INTS6: variants seen among roughly 807,000 people sequenced by gnomAD.
INTS6 encodes the protein DEAD box protein.
In INTS6, 16 loss-of-function variants were observed where a neutral mutation model predicts 104.9. That is an observed-to-expected ratio of 0.15 (90% CI 0.10 to 0.23). INTS6 has a LOEUF of 0.23. Among genes scored for constraint, INTS6 ranks in the 10% least tolerant of loss-of-function variants. INTS6 has a pLI of 1.00. For synonymous variants in INTS6, 324 were observed against 358.7 expected (o/e 0.90, Z 1.09); for missense variants, 584 against 1,062.8 (o/e 0.55, Z 6.26).
intron 7 of INTS6, chr13:51,384,669 TC>T (rs768981597): frequency 6.6e-6 from 3 of 456,610 alleles, no homozygotes; most frequent in African/African-American, 6.0e-5. Flanking sequence ...ATTCTTGATA[TC>T]TTCCCCTCAT....
chr13:51,426,531 T>A (rs1956988202), intron 4 of INTS6, among the ~76,000 whole-genome samples: 1 of 151,986 alleles, frequency 6.6e-6, no homozygotes, highest in Admixed American at 6.6e-5. Context: ...ACACGAAAGG[T>A]AATATTAACC....
Position 51,368,966 on chromosome 13 carries a change from T to C in INTS6, c.2449A>G (p.Met817Val). The C allele has an allele frequency of 6.3e-7, 1 of 1,598,070 alleles. No homozygotes were observed. The highest frequency in any genetic ancestry group is 1.1e-5 in the South Asian group (1 of 87,758). Residue 817 changes from methionine to valine, a missense_variant, in exon 16 of 18, where the codon ATG becomes GTG. This residue lies in a region of INTS6 where 296 missense variants were observed against 437.0 expected (regional missense o/e 0.68). Transcript: ENST00000311234. ...EVNTELKAQI[M>V]KEIRKPGRKY... ...CTTCCTGGCTTTCGGATCTCTTTCA[T>C]TATTTGTGCTTTTAGTTCAGTATTG...
rs772098160 is a variant in INTS6 at position 51,430,393 on chromosome 13, A to G, written c.340-10T>C. ...AAAAAGGGTTTCTTCCCTAAAGTCA[A>G]AAAACACATTGATCATACAAAGATT... On this transcript the variant is annotated splice_polypyrimidine_tract_variant and intron_variant, in intron 3 of 17. Transcript: ENST00000311234. 6.3e-7 allele frequency: 1 copy of G among 1,598,466 alleles called. No homozygotes were observed. Among genetic ancestry groups the G allele is most frequent in the Non-Finnish European group, 8.5e-7 (1 of 1,170,452 alleles).
chr13:51,378,254 A>T lies in INTS6; in HGVS notation c.1587T>A (p.Val529=). The T allele has an allele frequency of 6.2e-7, 1 of 1,612,686 alleles. No individual in the cohort carries two copies. The highest frequency in any genetic ancestry group is 1.7e-4 in the Middle Eastern group (1 of 6,046). The change falls in exon 12 of 18, where the codon GTT becomes GTA. Residue 529 remains valine (V), a synonymous_variant. Transcript: ENST00000311234. Reference sequence around the variant, plus strand: ...TGATTATTACCTTATTCAGCAAAGCAACTTGGAACCCAGTGTATTCCTTCA... The same window carrying T: ...TGATTATTACCTTATTCAGCAAAGCTACTTGGAACCCAGTGTATTCCTTCA... ...LNMKEYTGFQ[V]ALLNKDLKPQ... is the part of the protein sequence containing the mutation.
At chr13:51,443,679 G>A (rs1197539945) in intron 3 of INTS6, 1 of 152,140 alleles carries the variant, frequency 6.6e-6, no homozygotes, top group African/African-American at 2.4e-5. Context: ...GTAACACAGA[G>A]AGACTTTGTA....
downstream of INTS6, among the ~76,000 whole-genome samples, chr13:51,350,894 T>C (rs578093748): frequency 1.8e-4 from 27 of 152,342 alleles, no homozygotes; most frequent in African/African-American, 6.5e-4. Context: ...TTACATATTG[T>C]ACAATTATAC....
chr13:51,399,096 C>T (rs1956389903), intron 4 of INTS6, among the ~76,000 whole-genome samples: 1 of 152,160 alleles, frequency 6.6e-6, no homozygotes, highest in Non-Finnish European at 1.5e-5. Context: ...GGAGTATTGT[C>T]TCTTTGGTTT....
the INTS6 span, among the ~76,000 whole-genome samples, chr13:51,334,565 G>A: frequency 6.6e-6 from 1 of 152,048 alleles, no homozygotes; most frequent in Non-Finnish European, 1.5e-5. Flanking sequence ...ATTTTAGTTG[G>A]ATTTTTTTGA....
rs557444984 is a variant in INTS6 at position 51,388,484 on chromosome 13, C to G, written c.739+835G>C. On this transcript the variant is annotated intron_variant, in intron 6 of 17. Coordinates refer to ENST00000311234, the MANE Select transcript of INTS6 (RefSeq NM_012141.3). ...TCTCCACTCACCGCAACCTCCACCT[C>G]CCGGGTTCAAGCAGTTCTCCTGCCT... Among the ~76,000 whole-genome samples the G allele has an allele frequency of 1.2e-4, 18 of 152,172 alleles. 1 individual carries two copies. In the East Asian group the frequency reaches 2.9e-3, roughly 25 times the overall value.
At chr13:51,352,035 A>G (rs1324995693), downstream of INTS6, among the ~76,000 whole-genome samples, 1 of 152,080 alleles carries the variant, frequency 6.6e-6, no homozygotes, top group East Asian at 1.9e-4. Context: ...AGTCTTCATT[A>G]CTGTAGTTTG....
intron 2 of INTS6, 70 bp from the exon 3 acceptor site, chr13:51,451,244 G>C: frequency 7.8e-7 from 1 of 1,280,222 alleles, no homozygotes; most frequent in Non-Finnish European, 1.0e-6. Context: ...GTTATAATCT[G>C]ACGTTCACCA....
rs1593677949 is a variant in INTS6, at chr13:51,378,266, A to G, written c.1575T>C (p.Thr525=). ...TATTCAGCAAAGCAACTTGGAACCC[A>G]GTGTATTCCTTCATATTAAGGTCTA... ...RLLDLNMKEY[T]GFQVALLNKD... is the part of the protein sequence containing the mutation. The change falls in exon 12 of 18, where the codon ACT becomes ACC. Residue 525 remains threonine, a synonymous_variant. Transcript: ENST00000311234. 1 of 1,613,240 alleles carries G rather than the reference A, an allele frequency of 6.2e-7. No homozygotes were observed. Among genetic ancestry groups the G allele is most frequent in the East Asian group, 2.2e-5 (1 of 44,834 alleles).
At chr13:51,400,065 C>T (rs1453335849) in intron 4 of INTS6, among the ~76,000 whole-genome samples, 1 of 152,216 alleles carries the variant, frequency 6.6e-6, no homozygotes, top group African/African-American at 2.4e-5. Context: ...CTCATAGGAG[C>T]ATGAACCCTA....
intron 5 of INTS6, among the ~76,000 whole-genome samples, chr13:51,393,104 GTC>G (rs1251916402): frequency 7.0e-6 from 1 of 142,242 alleles, no homozygotes; most frequent in East Asian, 2.0e-4. Context: ...GTGAGACAGA[GTC>G]TCTCTCTGTC....
intron 7 of INTS6, among the ~76,000 whole-genome samples, chr13:51,385,700 A>T (rs1344747188): frequency 6.6e-6 from 1 of 152,176 alleles, no homozygotes; most frequent in Non-Finnish European, 1.5e-5. Flanking sequence ...ATATTTCTTC[A>T]ATATTGTAAT....
intron 3 of INTS6, among the ~76,000 whole-genome samples, chr13:51,430,759 T>C (rs1438456153): frequency 1.3e-5 from 2 of 152,196 alleles, no homozygotes; most frequent in Admixed American, 6.5e-5. Flanking sequence ...AAAAAGAACA[T>C]TTCCTGAGAA....
At chr13:51,426,681 T>C (rs1593749279) in intron 4 of INTS6, among the ~76,000 whole-genome samples, 1 of 152,210 alleles carries the variant, frequency 6.6e-6, no homozygotes, top group South Asian at 2.1e-4. Context: ...ATCTTTGTTA[T>C]CCTCATTGCC....
At chr13:51,413,048 T>A (rs540423224) in intron 4 of INTS6, among the ~76,000 whole-genome samples, 2 of 152,352 alleles carry the variant, frequency 1.3e-5, no homozygotes, top group Admixed American at 1.3e-4. Context: ...GTGACTATTA[T>A]GTGGCAGGTA....
At chr13:51,397,064 G>A (rs1052399582) in intron 4 of INTS6, among the ~76,000 whole-genome samples, 5 of 152,004 alleles carry the variant, frequency 3.3e-5, no homozygotes, top group African/African-American at 1.2e-4. Context: ...TACAAAACAT[G>A]CTTTAAAATG....
Sources: allele counts gnomAD v4.1 joint callset (sites outside exome capture counted in the v4.1 genomes callset), GRCh38; gene constraint gnomAD v4.1.1; regional missense constraint gnomAD v4.1.1; transcripts MANE v1.5; gene names NCBI Gene and HGNC (gene_info 2026-07-23, HGNC 2026-07-21).